Variants in PKHD1L1 observed in about 807,000 individuals in gnomAD.
PKHD1L1 encodes the protein PKHD1 like 1, also known as fibrocystin-L.
A neutral mutation model predicts 462.9 loss-of-function variants in PKHD1L1; 434 were observed. The observed-to-expected ratio is 0.94, with a 90% CI of 0.87 to 1.02. The LOEUF (loss-of-function observed/expected upper bound fraction) is 1.02, where lower values mean the gene tolerates loss of function less well. PKHD1L1 is among the 50% of genes least tolerant of loss of function. PKHD1L1 has a pLI of 0.00. For missense variants in PKHD1L1, 5,202 were observed against 5,096.1 expected, an observed-to-expected ratio of 1.02 and a Z score of -0.63; for synonymous variants, 1,781 against 1,750.0, an observed-to-expected ratio of 1.02 and a Z score of -0.44.
intron 23 of PKHD1L1, among the ~76,000 whole-genome samples, chr8:109,421,925 C>T (rs10086817): frequency 0.3 from 45,244 of 152,022 alleles, 7,321 homozygotes; most frequent in Admixed American, 0.43. Context: ...AAAGTTTACA[C>T]TGAAGAATAC....
chr8:109,444,187 G>A lies in PKHD1L1; in HGVS notation c.4791+285G>A, dbSNP rs1815987172. ...CCCTCCATCGATCCCAGCCTAAGGTGGTCTCTAATCTACTTTCTGTCTATA... is the reference window on the plus strand; with the variant it reads ...CCCTCCATCGATCCCAGCCTAAGGTAGTCTCTAATCTACTTTCTGTCTATA... On this transcript the variant is annotated intron_variant, in intron 37 of 77. Transcript: ENST00000378402. Among the ~76,000 whole-genome samples, 3 of 151,836 alleles carry A rather than the reference G, an allele frequency of 2.0e-5. No homozygotes were observed. In the South Asian group the frequency reaches 6.2e-4, roughly 32 times the overall value.
chr8:109,522,146 T>A lies in PKHD1L1; in HGVS notation c.12032-40T>A, dbSNP rs377045774. 8.5e-6 allele frequency: 13 copies of A among 1,521,260 alleles called. No homozygotes were observed. The African/African-American group carries it at 1.4e-4, about 16-fold the overall frequency. 94.2% of individuals were successfully genotyped at this position (1,521,260 alleles called of 1,614,324 possible). On this transcript the variant is annotated intron_variant, in intron 73 of 77. Coordinates refer to ENST00000378402, the MANE Select transcript of PKHD1L1 (RefSeq NM_177531.6). ...ACTCTCATGTGTTCTCACAATTCTA[T>A]ACTTTTATAATCCAAATGTCATAAT... is the stretch of plus-strand genomic sequence containing the variant.
chr8:109,526,979 A>G lies in PKHD1L1; in HGVS notation c.12680A>G (p.Glu4227Gly), dbSNP rs576888518. The G allele has an allele frequency of 6.2e-7, 1 of 1,613,680 alleles. No homozygotes were observed. The highest frequency in any genetic ancestry group is 2.2e-5 in the East Asian group (1 of 44,874). ...SCLVGRMWLL[E>G]IFMAAVSTLN... is the part of the protein sequence containing the mutation. ...CTGGTTGGAAGAATGTGGCTCTTGG[A>G]AATATTTATGGCTGCAGTTTCAACT... Residue 4227 changes from glutamate to glycine, a missense_variant, in exon 77 of 78, where the codon GAA (glutamate) becomes GGA (glycine). Physicochemically the swap from Glu to Gly is moderately conservative, Grantham distance 98. Transcript: ENST00000378402.
In PKHD1L1 at chr8:109,419,188, G is replaced by A; in HGVS notation, c.2452G>A (p.Ala818Thr). The A allele has an allele frequency of 6.2e-7, 1 of 1,613,452 alleles. No individual in the cohort carries two copies. Among genetic ancestry groups the A allele is most frequent in the Non-Finnish European group, 8.5e-7 (1 of 1,179,534 alleles). ...TCTTCAGAGGATTAGCTTACATAAA[G>A]CATCAGAATCACAGTCCTTCTATGT... ...VSLQRISLHK[A>T]SESQSFYVDV... is the part of the protein sequence containing the mutation. The change falls in exon 22 of 78, where the codon GCA becomes ACA. Residue 818 changes from alanine (A) to threonine (T), a missense_variant. Physicochemically the swap from Ala to Thr is moderately conservative, Grantham distance 58 (BLOSUM62 0). Coordinates refer to ENST00000378402, the MANE Select transcript of PKHD1L1 (RefSeq NM_177531.6).
In PKHD1L1 at chr8:109,401,578, A is replaced by C. The variant is rs1213891852; in HGVS notation, c.1363A>C (p.Lys455Gln). Reference protein sequence around the residue: ...TQRSDDIHLQKGKEYYIEILL... With the variant: ...TQRSDDIHLQQGKEYYIEILL... ...AAGATCAGATGATATTCATCTGCAG[A>C]AAGGAAAAGAGTAAGGCTTTTTCCT... Residue 455 changes from lysine (K) to glutamine (Q), a missense_variant, in exon 14 of 78, where the codon AAA becomes CAA. Transcript: ENST00000378402. 6.4e-7 allele frequency: 1 copy of C among 1,561,226 alleles called. No individual in the cohort carries two copies. The highest frequency in any genetic ancestry group is 1.1e-5 in the South Asian group (1 of 88,300).
Position 109,508,125 on chromosome 8 carries a change from C to T in PKHD1L1, c.11256C>T (p.Tyr3752=). ...KGIIRDSTCK[Y]LPEWQSYQCF... ...TTATTAGAGATTCAACCTGTAAGTA[C>T]CTTCCAGAGTGGCAGAGCTATCAGT... is the stretch of plus-strand genomic sequence containing the variant. The change falls in exon 70 of 78, where the codon TAC becomes TAT. Residue 3752 remains tyrosine (Y), a synonymous_variant. Coordinates refer to ENST00000378402, the MANE Select transcript of PKHD1L1 (RefSeq NM_177531.6). The T allele has an allele frequency of 6.2e-7, 1 of 1,611,494 alleles. No individual in the cohort carries two copies. Among genetic ancestry groups the T allele is most frequent in the African/African-American group, 1.3e-5 (1 of 74,882 alleles).
chr8:109,377,311 T>C (rs1391405364), intron 2 of PKHD1L1, among the ~76,000 whole-genome samples: 1 of 152,206 alleles, frequency 6.6e-6, no homozygotes, highest in Non-Finnish European at 1.5e-5. Context: ...TAGTATTATA[T>C]ACAACATTTA....
intron 27 of PKHD1L1, among the ~76,000 whole-genome samples, chr8:109,432,633 C>T (rs1815174941): frequency 6.6e-6 from 1 of 152,146 alleles, no homozygotes; most frequent in African/African-American, 2.4e-5. Flanking sequence ...TAAACCAGAA[C>T]TGTCCCAGGC....
chr8:109,527,407 G>A (rs995391265), intron 77 of PKHD1L1, among the ~76,000 whole-genome samples: 1 of 152,186 alleles, frequency 6.6e-6, no homozygotes, highest in African/African-American at 2.4e-5. Context: ...AGGTGGCTGA[G>A]GCAGGAGAAT....
chr8:109,389,351 A>G (rs1375717623), intron 8 of PKHD1L1, among the ~76,000 whole-genome samples, 199 bp downstream of exon 8: 4 of 152,054 alleles, frequency 2.6e-5, no homozygotes, highest in African/African-American at 9.7e-5. Flanking sequence ...TATGGTTTAT[A>G]TATAAGGTAA....
At chr8:109,401,423 G>T (rs2130542026) in intron 13 of PKHD1L1, 74 bp from the exon 14 acceptor site, 1 of 772,080 alleles carries the variant, frequency 1.3e-6, no homozygotes, top group South Asian at 1.9e-5. Context: ...AATAATAAAT[G>T]ATAAATAAAT....
At chr8:109,382,290 G>T (rs758441473) in intron 3 of PKHD1L1, among the ~76,000 whole-genome samples, 173 bp from the exon 4 acceptor site, 7 of 152,092 alleles carry the variant, frequency 4.6e-5, no homozygotes, top group Non-Finnish European at 1.0e-4. Context: ...AAAGAGTTCA[G>T]GATGGAGATC....
At chr8:109,377,298 A>T (rs1458123211) in intron 2 of PKHD1L1, among the ~76,000 whole-genome samples, 2 of 152,204 alleles carry the variant, frequency 1.3e-5, no homozygotes, top group Non-Finnish European at 2.9e-5. Context: ...GTCACATTGT[A>T]AATAGTATTA....
intron 14 of PKHD1L1, among the ~76,000 whole-genome samples, chr8:109,402,913 C>T (rs1414012006): frequency 6.6e-6 from 1 of 151,748 alleles, no homozygotes; most frequent in East Asian, 1.9e-4. Context: ...CTTTTTTATC[C>T]TCTTTCTTCT....
At chr8:109,455,681 A>T (rs535320722) in intron 45 of PKHD1L1, among the ~76,000 whole-genome samples, 28 of 152,300 alleles carry the variant, frequency 1.8e-4, no homozygotes, top group African/African-American at 3.1e-4. Flanking sequence ...AGTAAAAATG[A>T]TTTTGATCAT....
intron 45 of PKHD1L1, among the ~76,000 whole-genome samples, 196 bp downstream of exon 45, chr8:109,455,048 C>T (rs1182876420): frequency 6.6e-6 from 1 of 152,202 alleles, no homozygotes; most frequent in East Asian, 1.9e-4. Flanking sequence ...CATCAAGACT[C>T]AGAACCAGGC....
chr8:109,440,981 G>A, intron 33 of PKHD1L1, 129 bp downstream of exon 33: 1 of 1,163,502 alleles, frequency 8.6e-7, no homozygotes, highest in African/African-American at 1.5e-5. Context: ...AAAAAGGTAA[G>A]TGTATTTGGT....
At chr8:109,508,639 A>G (rs1819821143) in intron 70 of PKHD1L1, among the ~76,000 whole-genome samples, 1 of 152,156 alleles carries the variant, frequency 6.6e-6, no homozygotes, top group African/African-American at 2.4e-5. Flanking sequence ...GACCTAACGT[A>G]TATTAAAAAC....
In PKHD1L1 at chr8:109,518,105, G is replaced by A. The variant is rs117290720; in HGVS notation, c.11690-62G>A. The A allele has an allele frequency of 4.2e-3, 4,206 of 993,186 alleles. 12 individuals are homozygous for A. The highest frequency in any genetic ancestry group is 5.4e-3 in the Non-Finnish European group (3,694 of 681,896). The allele number at this position is 993,186 out of a possible 1,614,324, so 61.5% of individuals were successfully genotyped here. On this transcript the variant is annotated intron_variant, in intron 72 of 77. Transcript: ENST00000378402. ...TAAATTCAAACAAACATTAAGTAAC[G>A]CATGTTGATTGTGATAATATAAAAT... is the stretch of plus-strand genomic sequence containing the variant.
Sources: gnomAD v4.1 joint callset for allele counts (sites outside exome capture counted in the v4.1 genomes callset) on GRCh38, gnomAD v4.1.1 for gene constraint, MANE v1.5 for transcripts, NCBI Gene and HGNC (gene_info 2026-07-23, HGNC 2026-07-21) for gene names.